The following FCRL3 variants were observed in gnomAD, a reference collection of about 807,000 sequenced individuals.
The protein encoded by FCRL3 is Fc receptor like 3, also known as Fc receptor-like protein 3.
FCRL3 carries 89 observed loss-of-function variants against 75.0 expected under a neutral mutation model. That is an observed-to-expected ratio of 1.19 (90% confidence interval 1.00 to 1.42). The LOEUF is 1.42. FCRL3 is among the 40% of genes most tolerant of loss of function. The pLI, the probability that FCRL3 is intolerant of heterozygous loss-of-function variation, is 0.00. For missense variants in FCRL3, 946 were observed against 880.0 expected (o/e 1.07, Z -0.95); for synonymous variants, 376 against 348.5 (o/e 1.08, Z -0.88).
At chr1:157,695,981 A>G in intron 7 of FCRL3, 59 bp downstream of exon 7, 2 of 1,354,966 alleles carry the variant, frequency 1.5e-6, no homozygotes, top group East Asian at 6.7e-5. Flanking sequence ...TTAGTGGCTG[A>G]CAGAGAACCT....
chr1:157,677,086 C>T lies in FCRL3; in HGVS notation c.*1624G>A. 8.9e-7 allele frequency: 1 copy of T among 1,121,486 alleles called. No individual in the cohort carries two copies. Among genetic ancestry groups the T allele is most frequent in the Non-Finnish European group, 1.1e-6 (1 of 907,106 alleles). 69.5% of individuals were successfully genotyped at this position (1,121,486 alleles called of 1,614,324 possible). ...CTCAGTACGGGCAGGACATCATGCC[C>T]TGCACTCAAAGGCCAGGATAAGGGT... On this transcript the variant is annotated 3_prime_UTR_variant, in exon 15 of 15. Coordinates refer to ENST00000368184, the MANE Select transcript of FCRL3 (RefSeq NM_052939.4).
In FCRL3 at chr1:157,697,742, C is replaced by T. The variant is rs745888619; in HGVS notation, c.476G>A (p.Ser159Asn). 6.2e-7 allele frequency: 1 copy of T among 1,613,922 alleles called. No homozygotes were observed. The highest frequency in any genetic ancestry group is 8.5e-7 in the Non-Finnish European group (1 of 1,179,864). The change falls in exon 5 of 15, where the codon AGC (serine) becomes AAC (asparagine). Residue 159 changes from serine (S) to asparagine (N), a missense_variant. Coordinates refer to ENST00000368184, the MANE Select transcript of FCRL3 (RefSeq NM_052939.4). ...CCTATAAGCAGTACAATGATATTTG[C>T]TATTATCCCTGGAGACTGAATTCAC... ...ITVNSVSRDN[S>N]KYHCTAYRKF... is the part of the protein sequence containing the mutation.
In FCRL3 at chr1:157,697,810, A is replaced by C; in HGVS notation, c.408T>G (p.Asp136Glu). The C allele has an allele frequency of 6.2e-7, 1 of 1,614,174 alleles. No homozygotes were observed. Among genetic ancestry groups the C allele is most frequent in the Non-Finnish European group, 8.5e-7 (1 of 1,180,032 alleles). Reference protein sequence around the residue: ...KNTHQKVYYKDGKQLPNSYNL... With the variant: ...KNTHQKVYYKEGKQLPNSYNL... ...TATAACTATTAGGAAGCTGTTTTCCATCCTTGTAGTAAACCTTTTGATGAG... is the reference window on the plus strand; with the variant it reads ...TATAACTATTAGGAAGCTGTTTTCCCTCCTTGTAGTAAACCTTTTGATGAG... Residue 136 changes from aspartate to glutamate, a missense_variant, in exon 5 of 15, where the codon GAT becomes GAG. Asp to Glu is a conservative substitution (Grantham distance 45). Transcript: ENST00000368184.
At position 157,678,163 on chromosome 1, in the gene FCRL3, C is replaced by T; in HGVS notation, c.*547G>A. The T allele has an allele frequency of 1.0e-6, 1 of 986,034 alleles. No individual in the cohort carries two copies. The highest frequency in any genetic ancestry group is 1.2e-6 in the Non-Finnish European group (1 of 830,468). The allele number at this position is 986,034 out of a possible 1,614,324, so 61.1% of individuals were successfully genotyped here. ...ACTAGGGTAATTTGGTTGGGAATGT[C>T]ACCCTGTAAGTACAAAAATACACTT... On this transcript the variant is annotated 3_prime_UTR_variant, in exon 15 of 15. Transcript: ENST00000368184.
In FCRL3 at chr1:157,678,479, T is replaced by C. The variant is rs1050014489; in HGVS notation, c.*231A>G. 1.4e-6 allele frequency: 2 copies of C among 1,381,732 alleles called. No individual in the cohort carries two copies. Among genetic ancestry groups the C allele is most frequent in the African/African-American group, 2.9e-5 (2 of 68,644 alleles). The allele number at this position is 1,381,732 out of a possible 1,614,324, so 85.6% of individuals were successfully genotyped here. A position where few individuals can be genotyped will look rare whatever the true frequency, so the allele number is the denominator to read the frequency against. The stretch of plus-strand genomic sequence containing the variant: ...CTGAGGGCCCTCCTGCCTTGCCACG[T>C]GTCTCCACTGTGAAAATAACACAGT... On this transcript the variant is annotated 3_prime_UTR_variant, in exon 15 of 15. Transcript: ENST00000368184.
intron 10 of FCRL3, 109 bp downstream of exon 10, chr1:157,689,689 G>T (rs1655386799): frequency 7.1e-7 from 1 of 1,417,020 alleles, no homozygotes; most frequent in African/African-American, 1.4e-5. Context: ...TGGAACTGAG[G>T]GCCTAGTACT....
intron 13 of FCRL3, chr1:157,679,209 T>C (rs934309357): frequency 4.6e-5 from 27 of 581,842 alleles, no homozygotes; most frequent in Non-Finnish European, 6.4e-5. Flanking sequence ...ATAGAAAAAG[T>C]ACTGCCCCAA....
Position 157,678,636 on chromosome 1 carries a change from G to C in FCRL3, c.*74C>G. 6.3e-7 allele frequency: 1 copy of C among 1,591,812 alleles called. No homozygotes were observed. The highest frequency in any genetic ancestry group is 8.5e-7 in the Non-Finnish European group (1 of 1,173,774). On this transcript the variant is annotated 3_prime_UTR_variant, in exon 15 of 15. Transcript: ENST00000368184. ...GTAGGAGGCAGAGTCTGGAGAGATG[G>C]ATGATGTGTGGTTGGAGAGAACAGA... is the stretch of plus-strand genomic sequence containing the variant.
chr1:157,696,134 G>A lies in FCRL3; in HGVS notation c.1038C>T (p.Leu346=), dbSNP rs1655886339. 1.2e-6 allele frequency: 2 copies of A among 1,613,980 alleles called. No individual in the cohort carries two copies. The highest frequency in any genetic ancestry group is 1.7e-6 in the Non-Finnish European group (2 of 1,180,016). The part of the protein sequence containing the change: ...QRSLLAELHV[L]TVKESDAGRY... The stretch of plus-strand genomic sequence containing the variant: ...TCCCTGCATCACTCTCCTTCACGGT[G>A]AGAACATGCAGCTCTGCCAACAGGG... The change falls in exon 7 of 15, where the codon CTC becomes CTT. Residue 346 remains leucine (L), a synonymous_variant. Transcript: ENST00000368184.
chr1:157,698,467 A>G lies in FCRL3; in HGVS notation c.215T>C (p.Ile72Thr), dbSNP rs748987899. Residue 72 changes from isoleucine to threonine, a missense_variant, in exon 4 of 15, where the codon ATC becomes ACC. Physicochemically the swap from Ile to Thr is moderately conservative, Grantham distance 89. Transcript: ENST00000368184. ...EKLLKIKHDK[I>T]QITEPGNYQC... ...GTAATTTCCAGGCTCTGTAATTTGGATCTTGTCATGTTTTATTTTCAACAA... is the reference window on the plus strand; with the variant it reads ...GTAATTTCCAGGCTCTGTAATTTGGGTCTTGTCATGTTTTATTTTCAACAA... 1.2e-5 allele frequency: 20 copies of G among 1,614,102 alleles called. No homozygotes were observed. The highest frequency in any genetic ancestry group is 1.6e-5 in the Non-Finnish European group (19 of 1,180,000).
In FCRL3 at chr1:157,695,369, C is replaced by A. The variant is rs377440140; in HGVS notation, c.1371G>T (p.Leu457=). Residue 457 remains leucine, a synonymous_variant, in exon 8 of 15, where the codon CTG becomes CTT. Coordinates refer to ENST00000368184, the MANE Select transcript of FCRL3 (RefSeq NM_052939.4). ...GNYSCDADNG[L]GAQHSHGVSL... Reference sequence around the variant, plus strand: ...TCACTCCATGACTGTGCTGGGCCCCCAGGCCATTGTCTGCATCACAGGAGT... The same window carrying A: ...TCACTCCATGACTGTGCTGGGCCCCAAGGCCATTGTCTGCATCACAGGAGT... 62 of 1,614,194 alleles carry A rather than the reference C, an allele frequency of 3.8e-5. 1 individual carries two copies. In the South Asian group the frequency reaches 6.7e-4, roughly 17 times the overall value.
At chr1:157,685,080 G>T (rs1655092178) in intron 10 of FCRL3, among the ~76,000 whole-genome samples, 2 of 151,968 alleles carry the variant, frequency 1.3e-5, no homozygotes, top group Non-Finnish European at 2.9e-5. Context: ...CTGGGCTTCT[G>T]TTCACATGGA....
chr1:157,696,515 T>G (rs1655919241), intron 6 of FCRL3, 188 bp from the exon 7 acceptor site: 1 of 590,838 alleles, frequency 1.7e-6, no homozygotes, highest in Non-Finnish European at 3.0e-6. Flanking sequence ...TCCCACAACA[T>G]TCCCATCCTT....
chr1:157,691,000 T>TATGTATGC (rs1053369305), intron 8 of FCRL3, among the ~76,000 whole-genome samples: 2 of 36,538 alleles, frequency 5.5e-5, no homozygotes, highest in African/African-American at 8.3e-4. Flanking sequence ...GACATCTGTC[T>TATGTATGC]ATGTATGTAT....
Position 157,699,672 on chromosome 1 carries a change from A to G in FCRL3, c.52+20T>C. ...ACCAATATCCAGAGACCAGAGGGGC[A>G]GAGAGAAGGAGAAACTTACCTGATT... is the stretch of plus-strand genomic sequence containing the variant. On this transcript the variant is annotated intron_variant, in intron 3 of 14. Coordinates refer to ENST00000368184, the MANE Select transcript of FCRL3 (RefSeq NM_052939.4). 1 of 1,613,424 alleles carries G rather than the reference A, an allele frequency of 6.2e-7. No homozygotes were observed. Among genetic ancestry groups the G allele is most frequent in the Admixed American group, 1.7e-5 (1 of 59,936 alleles).
chr1:157,685,328 AAG>A (rs1484877568), intron 10 of FCRL3, among the ~76,000 whole-genome samples: 23 of 152,262 alleles, frequency 1.5e-4, no homozygotes, highest in African/African-American at 5.5e-4. Flanking sequence ...ATAAGCCCTA[AAG>A]CAATCACCAG....
intron 10 of FCRL3, among the ~76,000 whole-genome samples, chr1:157,686,059 T>C (rs1655158319): frequency 2.6e-5 from 4 of 152,022 alleles, no homozygotes; most frequent in Admixed American, 2.6e-4. Context: ...CATGACTCTC[T>C]AACTTGAAAG....
chr1:157,692,968 T>C (rs955926250), intron 8 of FCRL3, among the ~76,000 whole-genome samples: 1 of 152,134 alleles, frequency 6.6e-6, no homozygotes, highest in Non-Finnish European at 1.5e-5. Context: ...AGTTTAAACA[T>C]GTTCGATAGA....
chr1:157,685,956 C>T (rs1557824723), intron 10 of FCRL3, among the ~76,000 whole-genome samples: 5 of 151,942 alleles, frequency 3.3e-5, no homozygotes, highest in African/African-American at 9.7e-5. Context: ...TCAAGATAGT[C>T]CTGAAATTCC....
Sources: allele counts gnomAD v4.1 joint callset (sites outside exome capture counted in the v4.1 genomes callset), GRCh38; gene constraint gnomAD v4.1.1; transcripts MANE v1.5; gene names NCBI Gene and HGNC (gene_info 2026-07-23, HGNC 2026-07-21).